The following EMSY variants were observed in gnomAD, a reference collection of about 807,000 sequenced individuals.
The protein encoded by EMSY is BRCA2-interacting transcriptional repressor EMSY.
EMSY carries 26 observed loss-of-function variants against 134.6 expected under a neutral mutation model. That is an observed-to-expected ratio of 0.19 (90% CI 0.14 to 0.27). The LOEUF (loss-of-function observed/expected upper bound fraction) is 0.27. Among genes scored for constraint, EMSY ranks in the 10% least tolerant of loss-of-function variants. The probability of loss-of-function intolerance (pLI) is 1.00; values close to 1 mark genes in which losing one functional copy is unlikely to be tolerated. For missense variants in EMSY, 1,305 were observed against 1,611.4 expected, an observed-to-expected ratio of 0.81 and a Z score of 3.26; for synonymous variants, 579 against 577.8, an observed-to-expected ratio of 1.00 and a Z score of -0.03.
At chr11:76,514,848 A>G (rs1950392911) in intron 10 of EMSY, among the ~76,000 whole-genome samples, 2 of 152,112 alleles carry the variant, frequency 1.3e-5, no homozygotes, top group South Asian at 2.1e-4. Flanking sequence ...TATTTTTATC[A>G]TACTTCCCCT....
At chr11:76,523,394 A>G in intron 12 of EMSY, 103 bp downstream of exon 13, 1 of 1,335,564 alleles carries the variant, frequency 7.5e-7, no homozygotes, top group East Asian at 2.5e-5. Context: ...AATAGCCAGA[A>G]TGGCTTGGTT....
At chr11:76,491,926 A>G (rs945969878) in intron 8 of EMSY, among the ~76,000 whole-genome samples, 1 of 152,204 alleles carries the variant, frequency 6.6e-6, no homozygotes, top group African/African-American at 2.4e-5. Flanking sequence ...GGGGGATGGA[A>G]GAGGAAGAAG....
At chr11:76,527,082 C>T (rs1950870657) in intron 13 of EMSY, among the ~76,000 whole-genome samples, 2 of 151,918 alleles carry the variant, frequency 1.3e-5, no homozygotes, top group Admixed American at 6.6e-5. Context: ...ATTTTTTAAC[C>T]AATAGAAGAT....
chr11:76,452,108 G>T, intron 3 of EMSY, 151 bp downstream of exon 3: 1 of 466,726 alleles, frequency 2.1e-6, no homozygotes, highest in Non-Finnish European at 3.8e-6. Flanking sequence ...CCAGTTGTGT[G>T]CTCTGTTACA....
chr11:76,534,051 C>G (rs545153598), intron 14 of EMSY, among the ~76,000 whole-genome samples: 5 of 152,242 alleles, frequency 3.3e-5, no homozygotes, highest in Middle Eastern at 3.4e-3. Context: ...AGCAATCTCT[C>G]TAGTACCTAC....
intron 8 of EMSY, among the ~76,000 whole-genome samples, chr11:76,494,725 TCC>T (rs1590890097): frequency 9.8e-6 from 1 of 101,592 alleles, no homozygotes; most frequent in African/African-American, 3.8e-5. Flanking sequence ...CTTCCTTCCT[TCC>T]TTCCTTCCTT....
intron 9 of EMSY, among the ~76,000 whole-genome samples, chr11:76,500,152 G>A (rs1254273509): frequency 3.3e-5 from 5 of 150,984 alleles, no homozygotes; most frequent in Non-Finnish European, 7.4e-5. Context: ...CCTTTTCACT[G>A]CAAATTACTC....
At chr11:76,526,819 T>G (rs1284699538) in intron 13 of EMSY, among the ~76,000 whole-genome samples, 184 bp downstream of exon 14, 1 of 152,194 alleles carries the variant, frequency 6.6e-6, no homozygotes, top group African/African-American at 2.4e-5. Context: ...AGTACTTTCT[T>G]AAAGATACCT....
At chr11:76,498,987 A>G (rs1416503888) in intron 9 of EMSY, among the ~76,000 whole-genome samples, 2 of 152,208 alleles carry the variant, frequency 1.3e-5, no homozygotes, top group Non-Finnish European at 2.9e-5. Context: ...TTTGAGACGG[A>G]GTCTCGCTTT....
At chr11:76,461,606 C>A (rs1414794958) in intron 6 of EMSY, among the ~76,000 whole-genome samples, 2 of 152,236 alleles carry the variant, frequency 1.3e-5, no homozygotes, top group African/African-American at 4.8e-5. Flanking sequence ...TTTAAAATAA[C>A]TGTAGAGACC....
chr11:76,518,684 C>T (rs1384806439), intron 11 of EMSY, among the ~76,000 whole-genome samples: 4 of 121,642 alleles, frequency 3.3e-5, no homozygotes, highest in African/African-American at 5.9e-5. Context: ...TGTGTGCGCG[C>T]ATATATATAT....
At chr11:76,482,944 TA>T (rs1323896011) in intron 8 of EMSY, among the ~76,000 whole-genome samples, 1 of 152,028 alleles carries the variant, frequency 6.6e-6, no homozygotes, top group Non-Finnish European at 1.5e-5. Flanking sequence ...CCAAGACACA[TA>T]ATCGTCAGAT....
chr11:76,489,568 C>A (rs973318867), intron 8 of EMSY, among the ~76,000 whole-genome samples: 13 of 151,642 alleles, frequency 8.6e-5, no homozygotes. Flanking sequence ...GTTAATATAG[C>A]CACTCCAACT....
intron 20 of EMSY, among the ~76,000 whole-genome samples, chr11:76,548,468 A>G (rs1248169707): frequency 6.6e-6 from 1 of 152,210 alleles, no homozygotes; most frequent in African/African-American, 2.4e-5. Flanking sequence ...GAAGTAAACA[A>G]GATGTATCTT....
At chr11:76,453,450 A>G (rs1947749176) in intron 4 of EMSY, 62 bp downstream of exon 4, 2 of 1,459,354 alleles carry the variant, frequency 1.4e-6, no homozygotes, top group Non-Finnish European at 1.9e-6. Context: ...GTTTTGAAAC[A>G]GTCTTCCTAT....
chr11:76,458,705 A>G (rs1038289856), intron 5 of EMSY: 19 of 168,416 alleles, frequency 1.1e-4, no homozygotes, highest in Admixed American at 1.1e-3. Context: ...CTAAAAAATG[A>G]TTCTGAACTG....
chr11:76,535,505 C>T (rs1383584568), intron 14 of EMSY, among the ~76,000 whole-genome samples: 1 of 152,154 alleles, frequency 6.6e-6, no homozygotes, highest in African/African-American at 2.4e-5. Flanking sequence ...ATGCACTCAC[C>T]TACACATATG....
At chr11:76,501,059 A>G (rs1169100493) in intron 9 of EMSY, among the ~76,000 whole-genome samples, 1 of 152,172 alleles carries the variant, frequency 6.6e-6, no homozygotes, top group African/African-American at 2.4e-5. Context: ...TCATCTCTAG[A>G]TTACCTATAA....
intron 3 of EMSY, 48 bp from the exon 4 acceptor site, chr11:76,453,266 A>G (rs1947740559): frequency 3.2e-6 from 5 of 1,552,246 alleles, no homozygotes; most frequent in East Asian, 2.3e-5. Flanking sequence ...AAGTATAGAA[A>G]GAGCTGCCTG....
Sources: gnomAD v4.1 joint callset for allele counts (sites outside exome capture counted in the v4.1 genomes callset) on GRCh38, gnomAD v4.1.1 for gene constraint, MANE v1.5 for transcripts, NCBI Gene and HGNC (gene_info 2026-07-23, HGNC 2026-07-21) for gene names.